Variants in LDHAL6A observed in about 807,000 individuals in gnomAD.
The protein encoded by LDHAL6A is L-lactate dehydrogenase A-like 6A.
In LDHAL6A, 19 loss-of-function variants were observed where a neutral mutation model predicts 28.2. The ratio of observed to expected loss-of-function variants is 0.67; its 90% CI spans 0.47 to 0.99. LDHAL6A has a LOEUF of 0.99. LDHAL6A is among the 50% of genes least tolerant of loss of function. LDHAL6A has a pLI of 0.00. For synonymous variants in LDHAL6A, 144 were observed against 134.4 expected (o/e 1.07, Z -0.49); for missense variants, 372 against 398.6 (o/e 0.93, Z 0.57).
At chr11:18,468,038 CATATATATACGTATATATATATACAT>C (rs779526119) in intron 3 of LDHAL6A, among the ~76,000 whole-genome samples, 23,753 of 44,022 alleles carry the variant, frequency 0.54, 5,629 homozygotes, top group Middle Eastern at 0.65. Context: ...TATATATATA[CATATATATACGTATATATATATACAT>C]ATATATATAT....
intron 3 of LDHAL6A, among the ~76,000 whole-genome samples, chr11:18,470,716 T>G (rs1004052543): frequency 2.0e-4 from 31 of 152,042 alleles, no homozygotes; most frequent in African/African-American, 6.5e-4. Context: ...AGATGGAGTC[T>G]TGGTCTGTTG....
intron 3 of LDHAL6A, among the ~76,000 whole-genome samples, chr11:18,474,665 G>C (rs915656542): frequency 1.3e-5 from 2 of 152,106 alleles, no homozygotes; most frequent in East Asian, 3.9e-4. Flanking sequence ...GGGATTACAG[G>C]CGTGAGCCAC....
At chr11:18,464,993 T>G (rs1590250511) in intron 2 of LDHAL6A, among the ~76,000 whole-genome samples, 1 of 136,812 alleles carries the variant, frequency 7.3e-6, no homozygotes, top group African/African-American at 3.0e-5. Context: ...TTTTGTTTTG[T>G]TTTGTTTTGG....
intron 3 of LDHAL6A, 131 bp from the exon 4 acceptor site, chr11:18,475,335 G>A (rs1849345639): frequency 2.9e-6 from 2 of 693,898 alleles, no homozygotes; most frequent in African/African-American, 3.6e-5. Context: ...CGTATAGCTG[G>A]GGTTGGATAG....
At chr11:18,458,859 T>C (rs1848824781) in intron 1 of LDHAL6A, among the ~76,000 whole-genome samples, 1 of 152,170 alleles carries the variant, frequency 6.6e-6, no homozygotes, top group African/African-American at 2.4e-5. Context: ...GATGAAAGAA[T>C]TGCTAAAAGA....
intron 2 of LDHAL6A, among the ~76,000 whole-genome samples, chr11:18,464,585 C>A (rs1849000527): frequency 6.6e-6 from 1 of 151,976 alleles, no homozygotes; most frequent in Non-Finnish European, 1.5e-5. Flanking sequence ...CGTGGTGGTG[C>A]ATGCCTGTAA....
At chr11:18,462,834 C>CA (rs58380278) in intron 1 of LDHAL6A, among the ~76,000 whole-genome samples, 31,575 of 147,042 alleles carry the variant, frequency 0.21, 3,642 homozygotes, top group African/African-American at 0.29. Flanking sequence ...GACTCCATCT[C>CA]AAAAAAAAAC....
At chr11:18,460,893 ATGGT>A (rs1247866249) in intron 1 of LDHAL6A, among the ~76,000 whole-genome samples, 1 of 151,814 alleles carries the variant, frequency 6.6e-6, no homozygotes, top group African/African-American at 2.4e-5. Flanking sequence ...CTGCAGTGCA[ATGGT>A]CAATCTGATA....
Position 18,478,749 on chromosome 11 carries a change from G to A in LDHAL6A, c.878G>A (p.Cys293Tyr). ...GAAGACATATTCCTTAGTGTCCCATGTATCCTGGGAGAGAATGGTATCACA... is the reference window on the plus strand; with the variant it reads ...GAAGACATATTCCTTAGTGTCCCATATATCCTGGGAGAGAATGGTATCACA... ...INEDIFLSVP[C>Y]ILGENGITDL... is the part of the protein sequence containing the mutation. Residue 293 changes from cysteine to tyrosine, a missense_variant, in exon 7 of 7, where the codon TGT (cysteine) becomes TAT (tyrosine). By Grantham distance (194) the Cys-to-Tyr change is radical (BLOSUM62 -2). Transcript: ENST00000280706. The A allele has an allele frequency of 6.2e-7, 1 of 1,612,968 alleles. No individual in the cohort carries two copies. The highest frequency in any genetic ancestry group is 8.5e-7 in the Non-Finnish European group (1 of 1,179,178).
At chr11:18,476,292 C>G (rs1346826373) in intron 4 of LDHAL6A, 92 bp from the exon 5 acceptor site, 20 of 1,424,264 alleles carry the variant, frequency 1.4e-5, no homozygotes, top group Admixed American at 2.3e-5. Flanking sequence ...TTGGAAATCA[C>G]TCAGGGCAAT....
At position 18,477,664 on chromosome 11, in the gene LDHAL6A, T is replaced by C. The variant is rs1405135827; in HGVS notation, c.755T>C (p.Ile252Thr). ...ATGAAAGGTTATACTTCTTGGGGCA[T>C]TAGCCTATCTGTAGCTGATTTAACA... ...VKMKGYTSWGISLSVADLTES... is the reference protein window; with the variant it reads ...VKMKGYTSWGTSLSVADLTES... Residue 252 changes from isoleucine (I) to threonine (T), a missense_variant, in exon 6 of 7, where the codon ATT becomes ACT. This residue lies in a region of LDHAL6A where 291 missense variants were observed against 302.9 expected (regional missense o/e 0.96). Transcript: ENST00000280706. 15 of 1,612,962 alleles carry C rather than the reference T, an allele frequency of 9.3e-6. No homozygotes were observed. The highest frequency in any genetic ancestry group is 1.0e-5 in the Non-Finnish European group (12 of 1,179,556).
At chr11:18,470,072 G>C (rs61882886) in intron 3 of LDHAL6A, among the ~76,000 whole-genome samples, 20,073 of 152,098 alleles carry the variant, frequency 0.13, 1,428 homozygotes, top group South Asian at 0.25. Context: ...GGGATTACAG[G>C]CATGTGCCAC....
In LDHAL6A at chr11:18,455,888, CTG is replaced by C. The variant is rs1305110806; in HGVS notation, c.-792_-791del. 2.9e-5 allele frequency: 3 copies of C among 104,238 alleles called. No homozygotes were observed. The highest frequency in any genetic ancestry group is 1.6e-4 in the African/African-American group (3 of 18,766). The allele number at this position is 104,238 out of a possible 1,614,324, so 6.5% of individuals were successfully genotyped here. ...GCCTCACACCTGCCAAGCATCACAC[CTG>C]CCAAGCATCACACCTGCCAAGCATC... On this transcript the variant is annotated 5_prime_UTR_variant, in exon 1 of 7. Coordinates refer to ENST00000280706, the MANE Select transcript of LDHAL6A (RefSeq NM_144972.5).
At chr11:18,478,308 G>A (rs955258699) in intron 6 of LDHAL6A, among the ~76,000 whole-genome samples, 18 of 152,172 alleles carry the variant, frequency 1.2e-4, no homozygotes, top group African/African-American at 4.3e-4. Flanking sequence ...GGAAAGAAGG[G>A]TGAGCCCCAG....
Position 18,465,827 on chromosome 11 carries a change from T to TA in LDHAL6A, c.418+20dup, listed in dbSNP as rs1280311807. On this transcript the variant is annotated intron_variant, in intron 3 of 6. Transcript: ENST00000280706. ...CTAATCCAGGTCAGCTTTGTTGTTTTAAATTTTCAACTTTTAGATTCGGGG... is the reference window on the plus strand; with the variant it reads ...CTAATCCAGGTCAGCTTTGTTGTTTTAAAATTTTCAACTTTTAGATTCGGGG... 4 of 1,601,366 alleles carry TA rather than the reference T, an allele frequency of 2.5e-6. No homozygotes were observed. Among genetic ancestry groups the TA allele is most frequent in the Non-Finnish European group, 1.7e-6 (2 of 1,170,824 alleles).
intron 1 of LDHAL6A, among the ~76,000 whole-genome samples, chr11:18,462,035 G>A (rs1017594709): frequency 6.6e-6 from 1 of 151,348 alleles, no homozygotes; most frequent in African/African-American, 2.4e-5. Flanking sequence ...CCTGTGATGT[G>A]GTGGTAGGCG....
intron 1 of LDHAL6A, among the ~76,000 whole-genome samples, chr11:18,459,188 A>T (rs1483193055): frequency 6.6e-6 from 1 of 152,122 alleles, no homozygotes; most frequent in Non-Finnish European, 1.5e-5. Context: ...CTGAGAGGCA[A>T]ACCCACCCTC....
intron 1 of LDHAL6A, among the ~76,000 whole-genome samples, chr11:18,457,116 A>G (rs117452260): frequency 0.035 from 5,270 of 152,292 alleles, 132 homozygotes; most frequent in Middle Eastern, 0.065. Context: ...CTGGAGAGAA[A>G]TAGGTGGCAG....
rs374847812 is a variant in LDHAL6A at position 18,472,521 on chromosome 11, T to C, written c.419-2945T>C. On this transcript the variant is annotated intron_variant, in intron 3 of 6. Coordinates refer to ENST00000280706, the MANE Select transcript of LDHAL6A (RefSeq NM_144972.5). Reference sequence around the variant, plus strand: ...TGTCTAATTTCTACTATTTGAGTACTTAAATCTGCCATAAAAAATATGGAT... The same window carrying C: ...TGTCTAATTTCTACTATTTGAGTACCTAAATCTGCCATAAAAAATATGGAT... 1.1e-4 allele frequency among the ~76,000 whole-genome samples: 16 copies of C among 152,320 alleles called. No individual in the cohort carries two copies. In the South Asian group the frequency reaches 2.3e-3, roughly 22 times the overall value.
Sources: allele counts gnomAD v4.1 joint callset (sites outside exome capture counted in the v4.1 genomes callset), GRCh38; gene constraint gnomAD v4.1.1; regional missense constraint gnomAD v4.1.1; transcripts MANE v1.5; gene names NCBI Gene and HGNC (gene_info 2026-07-23, HGNC 2026-07-21).